The following KANSL3 variants were observed in gnomAD, a reference collection of about 807,000 sequenced individuals.
The protein encoded by KANSL3 is NSL complex protein NSL3.
In KANSL3, 16 loss-of-function variants were observed where a neutral mutation model predicts 89.2. The observed-to-expected ratio is 0.18, with a 90% CI of 0.12 to 0.27. The LOEUF (loss-of-function observed/expected upper bound fraction) is 0.27. Ranked by LOEUF, KANSL3 falls within the 10% of genes least tolerant of loss-of-function variation. The pLI is 1.00. For missense variants in KANSL3, 879 were observed against 1,110.6 expected, an observed-to-expected ratio of 0.79 and a Z score of 2.96; for synonymous variants, 385 against 419.7, an observed-to-expected ratio of 0.92 and a Z score of 1.01.
chr2:96,599,671 T>C (rs978428826), intron 20 of KANSL3: 3 of 488,116 alleles, frequency 6.1e-6, no homozygotes, highest in Admixed American at 1.3e-4. Flanking sequence ...ATAACATATA[T>C]GTAATTTGTG....
Position 96,604,347 on chromosome 2 carries a change from G to T in KANSL3, c.2052C>A (p.Ser684Arg). 6.2e-7 allele frequency: 1 copy of T among 1,612,874 alleles called. No individual in the cohort carries two copies. Among genetic ancestry groups the T allele is most frequent in the Non-Finnish European group, 8.5e-7 (1 of 1,179,876 alleles). Residue 684 changes from serine (S) to arginine (R), a missense_variant, in exon 17 of 21, where the codon AGC becomes AGA. By Grantham distance (110) the Ser-to-Arg change is moderately radical. Coordinates refer to ENST00000431828, the MANE Select transcript of KANSL3 (RefSeq NM_001115016.3). ...SSSSEGGVSA[S>R]PVPSVVSSST... ...TGCTGGAGACCACTGAAGGGACTGG[G>T]CTGGCTGAGACTCCACCTTCAGAAG... is the stretch of plus-strand genomic sequence containing the variant.
chr2:96,616,960 G>A (rs544714824), intron 5 of KANSL3, among the ~76,000 whole-genome samples: 1 of 152,294 alleles, frequency 6.6e-6, no homozygotes, highest in Middle Eastern at 3.4e-3. Context: ...GTGAAGCAGG[G>A]TCACCAGAGA....
At chr2:96,630,688 C>T (rs1345331498) in intron 3 of KANSL3, among the ~76,000 whole-genome samples, 1 of 152,038 alleles carries the variant, frequency 6.6e-6, no homozygotes, top group Non-Finnish European at 1.5e-5. Context: ...AATAATATCC[C>T]CAAAAAGCTG....
At chr2:96,601,360 A>C in intron 20 of KANSL3, 1 of 985,412 alleles carries the variant, frequency 1.0e-6, no homozygotes, top group Non-Finnish European at 1.2e-6. Context: ...GAAAAAAATG[A>C]AACGAAAGGA....
At chr2:96,625,207 C>T (rs1428941132) in intron 3 of KANSL3, among the ~76,000 whole-genome samples, 2 of 152,064 alleles carry the variant, frequency 1.3e-5, no homozygotes, top group Non-Finnish European at 2.9e-5. Flanking sequence ...GAGACTCCAT[C>T]TCAAAAACAA....
chr2:96,602,062 CT>C, intron 19 of KANSL3, 53 bp downstream of exon 19: 1 of 1,500,174 alleles, frequency 6.7e-7, no homozygotes, highest in Non-Finnish European at 9.0e-7. Flanking sequence ...TGGGAAGGTC[CT>C]GGGGGAAAGA....
At chr2:96,630,252 C>T (rs1270159618) in intron 3 of KANSL3, among the ~76,000 whole-genome samples, 1 of 151,946 alleles carries the variant, frequency 6.6e-6, no homozygotes, top group Non-Finnish European at 1.5e-5. Flanking sequence ...TCACAATTGC[C>T]AAAAAATGAA....
chr2:96,595,602 A>G lies in KANSL3; in HGVS notation c.*9T>C. 6.2e-7 allele frequency: 1 copy of G among 1,613,742 alleles called. No homozygotes were observed. The highest frequency in any genetic ancestry group is 8.5e-7 in the Non-Finnish European group (1 of 1,179,766). On this transcript the variant is annotated 3_prime_UTR_variant, in exon 21 of 21. Coordinates refer to ENST00000431828, the MANE Select transcript of KANSL3 (RefSeq NM_001115016.3). ...CAACTTGGTAAGGAGGACATATCAC[A>G]CAGCATCTTCAGGGTGCTGGAGGCA... is the stretch of plus-strand genomic sequence containing the variant.
At chr2:96,618,125 TCCAGCCTGAGTG>T (rs2105764372) in intron 5 of KANSL3, among the ~76,000 whole-genome samples, 1 of 151,206 alleles carries the variant, frequency 6.6e-6, no homozygotes, top group South Asian at 2.1e-4. Context: ...GCCACTGCAC[TCCAGCCTGAGTG>T]AGAGAGGAAG....
At chr2:96,608,837 A>G (rs781727017) in intron 13 of KANSL3, 27 bp downstream of exon 13, 6 of 1,533,540 alleles carry the variant, frequency 3.9e-6, no homozygotes, top group South Asian at 2.5e-5. Context: ...TTCCCCAGCA[A>G]AAGCGCTCCC....
intron 20 of KANSL3, among the ~76,000 whole-genome samples, chr2:96,597,614 T>G (rs1182473456): frequency 6.6e-6 from 1 of 151,168 alleles, no homozygotes; most frequent in East Asian, 1.9e-4. Flanking sequence ...ATTTATTTTA[T>G]TTTTTTGAGA....
chr2:96,636,431 G>T (rs920236990), intron 2 of KANSL3, among the ~76,000 whole-genome samples: 5 of 152,150 alleles, frequency 3.3e-5, no homozygotes, highest in Admixed American at 3.3e-4. Context: ...TAGCAGCTCT[G>T]TAACAAGGGA....
In KANSL3 at chr2:96,594,774, C is replaced by T. The variant is rs1337415911; in HGVS notation, c.*837G>A. 6.6e-6 allele frequency: 1 copy of T among 152,242 alleles called. No individual in the cohort carries two copies. The highest frequency in any genetic ancestry group is 1.9e-4 in the East Asian group (1 of 5,200). The allele number at this position is 152,242 out of a possible 1,614,324, so 9.4% of individuals were successfully genotyped here. ...ACCTAAGCACAAACCACAGGGCTTACTAGCACATCCTTCAAGCCACTTCCT... is the reference window on the plus strand; with the variant it reads ...ACCTAAGCACAAACCACAGGGCTTATTAGCACATCCTTCAAGCCACTTCCT... On this transcript the variant is annotated 3_prime_UTR_variant, in exon 21 of 21. Transcript: ENST00000431828.
At position 96,610,757 on chromosome 2, in the gene KANSL3, C is replaced by A; in HGVS notation, c.1288G>T (p.Val430Leu). 1 of 1,614,004 alleles carries A rather than the reference C, an allele frequency of 6.2e-7. No homozygotes were observed. The highest frequency in any genetic ancestry group is 8.5e-7 in the Non-Finnish European group (1 of 1,179,898). ...REKIRAENSL[V>L]VVGGADDNLR... ...TTGTCATCAGCTCCCCCAACCACCA[C>A]CAAGCTGTTCTCAGCTCGAATCTTC... The change falls in exon 11 of 21, where the codon GTG (valine) becomes TTG (leucine). Residue 430 changes from valine (V) to leucine (L), a missense_variant. Coordinates refer to ENST00000431828, the MANE Select transcript of KANSL3 (RefSeq NM_001115016.3).
chr2:96,623,610 C>A (rs989521583), intron 3 of KANSL3, among the ~76,000 whole-genome samples: 3 of 152,190 alleles, frequency 2.0e-5, no homozygotes, highest in African/African-American at 7.2e-5. Flanking sequence ...TCTCCACCTA[C>A]CACATCTCCA....
At chr2:96,609,264 T>C (rs1222967670) in intron 12 of KANSL3, among the ~76,000 whole-genome samples, 200 bp from the exon 13 acceptor site, 1 of 152,202 alleles carries the variant, frequency 6.6e-6, no homozygotes, top group Non-Finnish European at 1.5e-5. Flanking sequence ...AGTGCCTCTG[T>C]CAGGGGGAGC....
chr2:96,607,790 G>A lies in KANSL3; in HGVS notation c.1741+718C>T, dbSNP rs559581235. Among the ~76,000 whole-genome samples the A allele has an allele frequency of 5.9e-5, 9 of 152,264 alleles. No homozygotes were observed. In the South Asian group the frequency reaches 1.9e-3, roughly 32 times the overall value. On this transcript the variant is annotated intron_variant, in intron 14 of 20. Transcript: ENST00000431828. ...TCTGTCTGCCAGACAGCCAGCTCTG[G>A]CTGCTGCCTCTTCCCAGGCACCCCT...
chr2:96,624,023 G>C (rs2071828383), intron 3 of KANSL3, among the ~76,000 whole-genome samples: 1 of 152,188 alleles, frequency 6.6e-6, no homozygotes, highest in Admixed American at 6.6e-5. Flanking sequence ...TTCCTCCCTA[G>C]TTATCTTGGC....
intron 5 of KANSL3, among the ~76,000 whole-genome samples, chr2:96,618,557 AT>A (rs955458354): frequency 4.6e-5 from 7 of 152,266 alleles, no homozygotes; most frequent in Admixed American, 1.3e-4. Flanking sequence ...TACTACTTAA[AT>A]AACTGTTAAT....
Sources: gnomAD v4.1 joint callset for allele counts (sites outside exome capture counted in the v4.1 genomes callset) on GRCh38, gnomAD v4.1.1 for gene constraint, MANE v1.5 for transcripts, NCBI Gene and HGNC (gene_info 2026-07-23, HGNC 2026-07-21) for gene names.